The following GABRR2 variants were observed in gnomAD, a reference collection of about 807,000 sequenced individuals.
GABRR2 encodes the protein gamma-aminobutyric acid receptor subunit rho-2.
A neutral mutation model predicts 47.0 loss-of-function variants in GABRR2; 36 were observed. The ratio of observed to expected loss-of-function variants is 0.77; its 90% confidence interval spans 0.59 to 1.01. GABRR2 has a LOEUF of 1.01. GABRR2 is among the 50% of genes least tolerant of loss of function. The pLI, the probability that GABRR2 is intolerant of heterozygous loss-of-function variation, is 0.00. For synonymous variants in GABRR2, 204 were observed against 227.5 expected, an observed-to-expected ratio of 0.90 and a Z score of 0.93; for missense variants, 587 against 594.6, an observed-to-expected ratio of 0.99 and a Z score of 0.13.
intron 2 of GABRR2, among the ~76,000 whole-genome samples, chr6:89,276,917 A>G (rs1388357262): frequency 2.0e-5 from 3 of 152,226 alleles, no homozygotes; most frequent in African/African-American, 7.2e-5. Flanking sequence ...AAATAGGTCT[A>G]TGAAACTATC....
chr6:89,296,476 G>GGGA (rs1431673260), intron 2 of GABRR2, among the ~76,000 whole-genome samples: 1 of 152,248 alleles, frequency 6.6e-6, no homozygotes, highest in Non-Finnish European at 1.5e-5. Flanking sequence ...AACTGCCATG[G>GGGA]GGAGGAGGCT....
Position 89,265,770 on chromosome 6 carries a change from G to A in GABRR2, c.737-5C>T, listed in dbSNP as rs745309783. The A allele has an allele frequency of 6.2e-7, 1 of 1,613,724 alleles. No individual in the cohort carries two copies. The highest frequency in any genetic ancestry group is 1.1e-5 in the South Asian group (1 of 90,964). Reference sequence around the variant, plus strand: ...TGTACAGACGGTTGTACCAGCCTAGGGGATGCAGGAAGAAGCCAATGAGGT... The same window carrying A: ...TGTACAGACGGTTGTACCAGCCTAGAGGATGCAGGAAGAAGCCAATGAGGT... On this transcript the variant is annotated splice_region_variant and splice_polypyrimidine_tract_variant and intron_variant, in intron 6 of 8. Coordinates refer to ENST00000402938, the MANE Select transcript of GABRR2 (RefSeq NM_002043.5).
intron 2 of GABRR2, among the ~76,000 whole-genome samples, chr6:89,280,124 G>A (rs529573488): frequency 3.3e-5 from 5 of 151,092 alleles, no homozygotes; most frequent in Admixed American, 2.0e-4. Context: ...TAGGAGAATC[G>A]CTTGAACCCG....
At chr6:89,283,345 A>G (rs73752721) in intron 2 of GABRR2, among the ~76,000 whole-genome samples, 2 of 152,342 alleles carry the variant, frequency 1.3e-5, no homozygotes, top group Admixed American at 6.5e-5. Flanking sequence ...ACATATATAC[A>G]TATGACTTGT....
At chr6:89,289,757 A>G (rs898235261) in intron 2 of GABRR2, among the ~76,000 whole-genome samples, 3 of 152,282 alleles carry the variant, frequency 2.0e-5, no homozygotes, top group African/African-American at 2.4e-5. Flanking sequence ...TGTTGCTATA[A>G]CAGAATACCT....
At chr6:89,284,572 C>T (rs1774302901) in intron 2 of GABRR2, among the ~76,000 whole-genome samples, 2 of 152,104 alleles carry the variant, frequency 1.3e-5, no homozygotes, top group African/African-American at 4.8e-5. Context: ...GCAACTTAGC[C>T]CGCTGTTGGC....
At chr6:89,265,377 A>T (rs1773867047) in intron 7 of GABRR2, among the ~76,000 whole-genome samples, 1 of 152,066 alleles carries the variant, frequency 6.6e-6, no homozygotes, top group South Asian at 2.1e-4. Flanking sequence ...TGTACCCCAA[A>T]TCTTTCTGAA....
intron 8 of GABRR2, among the ~76,000 whole-genome samples, chr6:89,259,883 CTT>C (rs59831214): frequency 5.9e-5 from 4 of 67,620 alleles, no homozygotes; most frequent in African/African-American, 1.2e-4. Flanking sequence ...CTCTCTCTCT[CTT>C]TTTTTTTTTT....
intron 1 of GABRR2, chr6:89,302,462 T>C (rs1767472489): frequency 1.6e-6 from 1 of 611,378 alleles, no homozygotes; most frequent in Admixed American, 1.9e-5. Flanking sequence ...CACCTGACAT[T>C]GGCCACCATG....
intron 8 of GABRR2, among the ~76,000 whole-genome samples, chr6:89,259,540 A>G (rs772342043): frequency 1.3e-5 from 2 of 150,536 alleles, no homozygotes; most frequent in Non-Finnish European, 2.9e-5. Flanking sequence ...GTCTCACTCT[A>G]TCCCCCAGTC....
intron 7 of GABRR2, among the ~76,000 whole-genome samples, chr6:89,265,406 ATGT>A (rs1016370172): frequency 1.3e-5 from 2 of 152,140 alleles, no homozygotes; most frequent in African/African-American, 4.8e-5. Context: ...ATCACAGTTG[ATGT>A]TGTTTTAGCT....
At chr6:89,270,087 T>C (rs1774013874) in intron 3 of GABRR2, among the ~76,000 whole-genome samples, 1 of 152,234 alleles carries the variant, frequency 6.6e-6, no homozygotes. Context: ...CATGAGAGTC[T>C]GTCCCTAGAC....
intron 1 of GABRR2, among the ~76,000 whole-genome samples, chr6:89,307,133 C>G (rs763240052): frequency 5.9e-5 from 9 of 152,176 alleles, no homozygotes; most frequent in Non-Finnish European, 1.3e-4. Flanking sequence ...ATTTGGTCAA[C>G]ATCATCTGTA....
At position 89,279,767 on chromosome 6, in the gene GABRR2, A is replaced by G. The variant is rs544402715; in HGVS notation, c.221-8045T>C. On this transcript the variant is annotated intron_variant, in intron 2 of 8. Transcript: ENST00000402938. ...CTTAGTAGTGTGACTTTGTACATAC[A>G]TAATTTCTCTTTCCCTCAGTTTCCT... is the stretch of plus-strand genomic sequence containing the variant. 7.2e-5 allele frequency among the ~76,000 whole-genome samples: 11 copies of G among 152,122 alleles called. No homozygotes were observed. The South Asian group carries it at 2.3e-3, about 32-fold the overall frequency.
intron 8 of GABRR2, among the ~76,000 whole-genome samples, chr6:89,258,317 G>A (rs934988423): frequency 3.3e-5 from 5 of 152,064 alleles, no homozygotes; most frequent in South Asian, 4.1e-4. Flanking sequence ...AGAGCTATAC[G>A]ATTCTGAGAC....
chr6:89,301,995 C>G (rs1029624694), intron 1 of GABRR2: 2 of 735,026 alleles, frequency 2.7e-6, no homozygotes, highest in Non-Finnish European at 4.9e-6. Context: ...GAGCCCGGGA[C>G]CATGGACAGT....
intron 2 of GABRR2, among the ~76,000 whole-genome samples, chr6:89,272,126 G>A (rs1389907571): frequency 2.0e-5 from 3 of 152,218 alleles, no homozygotes; most frequent in Admixed American, 2.0e-4. Flanking sequence ...ATCCAGCTCT[G>A]GGCTGGGCAC....
Position 89,264,519 on chromosome 6 carries a change from A to T in GABRR2, c.979T>A (p.Tyr327Asn), listed in dbSNP as rs1283975363. The T allele has an allele frequency of 6.2e-7, 1 of 1,613,928 alleles. No individual in the cohort carries two copies. The highest frequency in any genetic ancestry group is 8.5e-7 in the Non-Finnish European group (1 of 1,179,980). Residue 327 changes from tyrosine to asparagine, a missense_variant, in exon 8 of 9, where the codon TAC becomes AAC. By Grantham distance (143) the Tyr-to-Asn change is moderately radical (BLOSUM62 -2). Transcript: ENST00000402938. The part of the protein sequence containing the change: ...RVSYVKAVDI[Y>N]LWVSFVFVFL... ...ACGAACACAAAGCTGACCCAGAGGT[A>T]GATGTCCACGGCCTTGACGTAGGAG... is the stretch of plus-strand genomic sequence containing the variant.
intron 2 of GABRR2, among the ~76,000 whole-genome samples, chr6:89,281,942 T>A (rs952757515): frequency 7.9e-5 from 12 of 152,180 alleles, no homozygotes; most frequent in Non-Finnish European, 1.3e-4. Flanking sequence ...GTCTGCTTAC[T>A]GCACACTGAG....
Sources: allele counts gnomAD v4.1 joint callset (sites outside exome capture counted in the v4.1 genomes callset), GRCh38; gene constraint gnomAD v4.1.1; transcripts MANE v1.5; gene names NCBI Gene and HGNC (gene_info 2026-07-23, HGNC 2026-07-21).